The following DOCK3 variants were observed in gnomAD, a reference collection of about 807,000 sequenced individuals.
DOCK3 encodes dedicator of cytokinesis 3.
DOCK3 carries 60 observed loss-of-function variants against 265.6 expected under a neutral mutation model. That is an observed-to-expected ratio of 0.23 (90% confidence interval 0.18 to 0.28). The LOEUF (loss-of-function observed/expected upper bound fraction) is 0.28, where lower values mean the gene tolerates loss of function less well. Ranked by LOEUF, DOCK3 falls within the 10% of genes least tolerant of loss-of-function variation. The pLI, the probability that DOCK3 is intolerant of heterozygous loss-of-function variation, is 1.00. For missense variants in DOCK3, 1,981 were observed against 2,594.3 expected (o/e 0.76, Z 5.14); for synonymous variants, 881 against 938.0 (o/e 0.94, Z 1.11).
intron 5 of DOCK3, among the ~76,000 whole-genome samples, chr3:50,958,878 A>G (rs986351275): frequency 2.0e-5 from 3 of 152,202 alleles, no homozygotes; most frequent in African/African-American, 7.2e-5. Context: ...ATTTCTGGTT[A>G]TATTAGGCAT....
At chr3:51,187,574 T>A (rs775815500) in intron 12 of DOCK3, among the ~76,000 whole-genome samples, 2 of 152,046 alleles carry the variant, frequency 1.3e-5, no homozygotes, top group Non-Finnish European at 2.9e-5. Context: ...AATGATATGG[T>A]TTGGCTCTGT....
At chr3:51,100,171 C>T (rs2083029592) in intron 9 of DOCK3, among the ~76,000 whole-genome samples, 1 of 152,212 alleles carries the variant, frequency 6.6e-6, no homozygotes. Context: ...AAGCCCCTGA[C>T]AGTCTGGCCC....
chr3:50,922,403 A>T (rs2050531979), intron 4 of DOCK3, among the ~76,000 whole-genome samples: 1 of 152,188 alleles, frequency 6.6e-6, no homozygotes, highest in African/African-American at 2.4e-5. Flanking sequence ...AGACTGTTGG[A>T]AAAGCATTGT....
At chr3:50,831,444 G>A (rs2045165901) in intron 2 of DOCK3, among the ~76,000 whole-genome samples, 1 of 151,844 alleles carries the variant, frequency 6.6e-6, no homozygotes, top group Non-Finnish European at 1.5e-5. Flanking sequence ...TGTTCTCATT[G>A]TTCATCTGCC....
chr3:51,338,845 C>A, intron 36 of DOCK3, 90 bp from the exon 37 acceptor site: 1 of 1,123,088 alleles, frequency 8.9e-7, no homozygotes. Context: ...CCCCCTCCTG[C>A]CCAGCACACC....
chr3:50,978,614 C>T (rs1274543374), intron 5 of DOCK3, among the ~76,000 whole-genome samples: 2 of 152,162 alleles, frequency 1.3e-5, no homozygotes, highest in African/African-American at 4.8e-5. Context: ...CTGTGCCCTG[C>T]CCCCAGAGGT....
intron 5 of DOCK3, among the ~76,000 whole-genome samples, chr3:51,051,839 C>A (rs2081004775): frequency 6.6e-6 from 1 of 152,090 alleles, no homozygotes; most frequent in South Asian, 2.1e-4. Flanking sequence ...TGGGAGCAGA[C>A]ACATCACATG....
chr3:51,165,282 A>G (rs1337279679), intron 12 of DOCK3, among the ~76,000 whole-genome samples: 1 of 152,214 alleles, frequency 6.6e-6, no homozygotes, highest in Non-Finnish European at 1.5e-5. Flanking sequence ...CCATTGGGCC[A>G]TCCTCTTTTT....
chr3:51,312,788 C>T, intron 30 of DOCK3, 56 bp from the exon 31 acceptor site: 1 of 1,549,554 alleles, frequency 6.5e-7, no homozygotes, highest in South Asian at 1.2e-5. Flanking sequence ...GGTTTGCAGC[C>T]CTATCCTCCT....
intron 32 of DOCK3, among the ~76,000 whole-genome samples, chr3:51,316,850 A>T (rs941998373): frequency 1.3e-5 from 2 of 152,130 alleles, no homozygotes; most frequent in Non-Finnish European, 1.5e-5. Flanking sequence ...TATATTCTGT[A>T]TGTAAGTCCT....
At chr3:51,251,113 T>C (rs1017715117) in intron 22 of DOCK3, among the ~76,000 whole-genome samples, 1 of 152,142 alleles carries the variant, frequency 6.6e-6, no homozygotes, top group Non-Finnish European at 1.5e-5. Context: ...AGTGAGAACA[T>C]GTGGTGTTTG....
At chr3:50,900,561 T>C in intron 4 of DOCK3, 1 of 345,622 alleles carries the variant, frequency 2.9e-6, no homozygotes, top group Non-Finnish European at 5.6e-6. Flanking sequence ...GGCATTCTGA[T>C]TTTTGGAATT....
intron 5 of DOCK3, among the ~76,000 whole-genome samples, chr3:50,960,520 C>T (rs1370202199): frequency 6.6e-6 from 1 of 152,020 alleles, no homozygotes; most frequent in African/African-American, 2.4e-5. Flanking sequence ...CTACTTGAAT[C>T]TTTCACCCAT....
chr3:51,068,505 A>G (rs1238769459), intron 6 of DOCK3, among the ~76,000 whole-genome samples: 1 of 131,404 alleles, frequency 7.6e-6, no homozygotes, highest in Non-Finnish European at 1.6e-5. Flanking sequence ...GCGCCACTGC[A>G]CTCCAGCCTG....
At position 51,194,446 on chromosome 3, in the gene DOCK3, A is replaced by G. The variant is rs150924736; in HGVS notation, c.1038-14328A>G. 5.9e-5 allele frequency among the ~76,000 whole-genome samples: 9 copies of G among 152,270 alleles called. No homozygotes were observed. The East Asian group carries it at 9.6e-4, about 16-fold the overall frequency. ...GGGTCTAAAGTGCAACTTAAAGCCA[A>G]TGTTTCTTTGTTGATTTTTTTGTCT... On this transcript the variant is annotated intron_variant, in intron 12 of 52. Coordinates refer to ENST00000266037, the MANE Select transcript of DOCK3 (RefSeq NM_004947.5).
intron 1 of DOCK3, among the ~76,000 whole-genome samples, chr3:50,760,119 T>C (rs1409712006): frequency 6.6e-6 from 1 of 152,166 alleles, no homozygotes; most frequent in Non-Finnish European, 1.5e-5. Flanking sequence ...TCTAAGAGTT[T>C]TACAGTTATA....
intron 4 of DOCK3, among the ~76,000 whole-genome samples, chr3:50,902,692 G>A (rs1451388889): frequency 6.6e-6 from 1 of 152,114 alleles, no homozygotes; most frequent in African/African-American, 2.4e-5. Context: ...TTTTAAAATA[G>A]CTTCTTCTAA....
intron 5 of DOCK3, among the ~76,000 whole-genome samples, chr3:51,053,089 A>ATATATATATATATG (rs2081059817): frequency 1.4e-5 from 1 of 70,692 alleles, no homozygotes; most frequent in South Asian, 4.7e-4. Context: ...ATATATATAT[A>ATATATATATATATG]TATATATATA....
intron 5 of DOCK3, among the ~76,000 whole-genome samples, chr3:51,028,168 G>A (rs547138837): frequency 2.0e-5 from 3 of 152,162 alleles, no homozygotes; most frequent in African/African-American, 7.2e-5. Context: ...AGGAAGGATT[G>A]TATTTCTCCT....
Sources: allele counts gnomAD v4.1 joint callset (sites outside exome capture counted in the v4.1 genomes callset), GRCh38; gene constraint gnomAD v4.1.1; transcripts MANE v1.5; gene names NCBI Gene and HGNC (gene_info 2026-07-23, HGNC 2026-07-21).